CHLSN: variants seen among roughly 807,000 people sequenced by gnomAD.
CHLSN encodes cholesin, also known as protein cholesin.
the CHLSN span, among the ~76,000 whole-genome samples, chr7:1,117,668 G>C: frequency 8.6e-6 from 1 of 116,306 alleles, no homozygotes; most frequent in African/African-American, 3.3e-5. Flanking sequence ...CATCACCGAC[G>C]CCCATGCAGG....
chr7:1,095,713 G>T, the CHLSN span, among the ~76,000 whole-genome samples: 2 of 152,210 alleles, frequency 1.3e-5, no homozygotes, highest in Non-Finnish European at 2.9e-5. Context: ...CACTAGAAGG[G>T]TCAGTCACTG....
At chr7:983,282 A>C in the CHLSN span, 1 of 1,540,148 alleles carries the variant, frequency 6.5e-7, no homozygotes, top group Non-Finnish European at 8.7e-7. Flanking sequence ...TGCGCCCAAG[A>C]CCCCTCCCCA....
At chr7:1,072,289 G>A in the CHLSN span, among the ~76,000 whole-genome samples, 2 of 152,172 alleles carry the variant, frequency 1.3e-5, no homozygotes, top group Non-Finnish European at 2.9e-5. Flanking sequence ...CCCGTGTGCT[G>A]AGGAGGGCAC....
chr7:1,126,931 G>A, the CHLSN span, among the ~76,000 whole-genome samples: 17 of 152,030 alleles, frequency 1.1e-4, no homozygotes, highest in Non-Finnish European at 2.4e-4. Context: ...GCCGCCCCTC[G>A]CACCTTCCCA....
At chr7:1,048,678 A>G in the CHLSN span, among the ~76,000 whole-genome samples, 2 of 152,212 alleles carry the variant, frequency 1.3e-5, no homozygotes, top group East Asian at 1.9e-4. Context: ...TAAATAAGAC[A>G]TAGGAAGAAA....
At chr7:1,035,362 T>C in the CHLSN span, among the ~76,000 whole-genome samples, 3 of 152,380 alleles carry the variant, frequency 2.0e-5, no homozygotes, top group Admixed American at 1.3e-4. Context: ...AAGATTTATA[T>C]TCCTCTGAGC....
the CHLSN span, chr7:987,329 GC>G: frequency 6.4e-7 from 1 of 1,560,606 alleles, no homozygotes; most frequent in South Asian, 1.2e-5. Context: ...CACCCAAGCG[GC>G]CCACCCTTTG....
At chr7:1,125,761 C>T in the CHLSN span, among the ~76,000 whole-genome samples, 2 of 152,236 alleles carry the variant, frequency 1.3e-5, no homozygotes, top group African/African-American at 4.8e-5. Context: ...GTGTGCCATC[C>T]GCAGACACGG....
the CHLSN span, among the ~76,000 whole-genome samples, chr7:1,089,482 G>C: frequency 5.0e-5 from 1 of 19,996 alleles, no homozygotes; most frequent in African/African-American, 5.3e-4. Context: ...GCAGTGGTGT[G>C]ATCTTGGCTC....
At chr7:999,080 CGT>C in the CHLSN span, among the ~76,000 whole-genome samples, 1,319 of 151,158 alleles carry the variant, frequency 8.7e-3, 18 homozygotes, top group African/African-American at 0.028. Flanking sequence ...GATAACTTTG[CGT>C]GTGTGTGTGT....
the CHLSN span, among the ~76,000 whole-genome samples, chr7:1,049,825 G>T: frequency 2.0e-5 from 3 of 152,200 alleles, no homozygotes; most frequent in Admixed American, 2.0e-4. Context: ...ACTGTACTGG[G>T]TTCTATGACA....
At chr7:978,386 C>T in the CHLSN span, among the ~76,000 whole-genome samples, 1,707 of 152,088 alleles carry the variant, frequency 0.011, 34 homozygotes, top group African/African-American at 0.039. Flanking sequence ...GGTGTAGGGG[C>T]GCACACCTGT....
the CHLSN span, chr7:1,092,685 A>G: frequency 2.5e-6 from 4 of 1,613,134 alleles, no homozygotes; most frequent in Middle Eastern, 1.6e-4. Context: ...ACAGCTGCCT[A>G]AACCCCCTCA....
the CHLSN span, among the ~76,000 whole-genome samples, chr7:1,009,730 T>C: frequency 3.3e-5 from 5 of 152,226 alleles, no homozygotes; most frequent in Non-Finnish European, 5.9e-5. Flanking sequence ...AGGCAACCCC[T>C]GCACGGGCAG....
the CHLSN span, chr7:1,028,390 G>A: frequency 2.0e-6 from 2 of 987,422 alleles, no homozygotes; most frequent in African/African-American, 3.5e-5. Flanking sequence ...CCGGCCCGGC[G>A]CGGCTGGAAC....
the CHLSN span, among the ~76,000 whole-genome samples, chr7:1,000,252 C>A: frequency 6.6e-6 from 1 of 152,072 alleles, no homozygotes; most frequent in Non-Finnish European, 1.5e-5. Context: ...GCCTGCCCCG[C>A]CGTGCACAGA....
chr7:1,019,708 A>C, the CHLSN span, among the ~76,000 whole-genome samples: 1 of 152,234 alleles, frequency 6.6e-6, no homozygotes, highest in Non-Finnish European at 1.5e-5. Context: ...CACTGCAGCC[A>C]GGGCTTCCAG....
At chr7:1,007,701 C>T in the CHLSN span, among the ~76,000 whole-genome samples, 3 of 152,180 alleles carry the variant, frequency 2.0e-5, no homozygotes, top group Non-Finnish European at 4.4e-5. Context: ...AAGAGTCCCC[C>T]CTCCTCCCAC....
At chr7:1,092,074 G>A in the CHLSN span, 1 of 1,613,972 alleles carries the variant, frequency 6.2e-7, no homozygotes, top group Non-Finnish European at 8.5e-7. Context: ...CCTCATTGAG[G>A]TGTTCAACCT....
Sources: allele counts gnomAD v4.1 joint callset (sites outside exome capture counted in the v4.1 genomes callset), GRCh38; gene constraint gnomAD v4.1.1; transcripts MANE v1.5; gene names NCBI Gene and HGNC (gene_info 2026-07-23, HGNC 2026-07-21).